TGFB2: variants seen among roughly 807,000 people sequenced by gnomAD.
TGFB2 encodes the protein transforming growth factor beta-2 proprotein.
TGFB2 carries 13 observed loss-of-function variants against 42.7 expected under a neutral mutation model. That is an observed-to-expected ratio of 0.30 (90% confidence interval 0.20 to 0.48). The LOEUF (loss-of-function observed/expected upper bound fraction) is 0.48, where lower values mean the gene tolerates loss of function less well. Ranked by LOEUF, TGFB2 falls within the 20% of genes least tolerant of loss-of-function variation. The pLI is 0.99. For synonymous variants in TGFB2, 193 were observed against 193.6 expected (o/e 1.00, Z 0.03); for missense variants, 390 against 517.5 (o/e 0.75, Z 2.39).
chr1:218,400,909 C>CCA (rs1490270338), intron 1 of TGFB2, among the ~76,000 whole-genome samples: 1 of 152,066 alleles, frequency 6.6e-6, no homozygotes, highest in East Asian at 1.9e-4. Flanking sequence ...GGCAGAGAGT[C>CCA]CTGGGCAAGT....
intron 2 of TGFB2, among the ~76,000 whole-genome samples, chr1:218,411,096 C>T (rs1056317167): frequency 3.3e-5 from 5 of 152,152 alleles, no homozygotes; most frequent in Admixed American, 3.3e-4. Flanking sequence ...ACTTGGAGCT[C>T]TCCAGTATTT....
intron 2 of TGFB2, among the ~76,000 whole-genome samples, chr1:218,412,259 C>A (rs1392222230): frequency 6.6e-6 from 1 of 152,194 alleles, no homozygotes; most frequent in Admixed American, 6.5e-5. Context: ...AGAGAAATGC[C>A]TCAGAACTCA....
Position 218,346,599 on chromosome 1 carries a change from C to CAACA in TGFB2, c.-101_-100insCAAA. Reference sequence around the variant, plus strand: ...AGTTTCGCATCAAAAACAACAACAACAAAAAACCAAACAACTCTCCTTGAT... The same window carrying CAACA: ...AGTTTCGCATCAAAAACAACAACAACAACAAAAAAACCAAACAACTCTCCTTGAT... On this transcript the variant is annotated 5_prime_UTR_variant, in exon 1 of 7. Coordinates refer to ENST00000366930, the MANE Select transcript of TGFB2 (RefSeq NM_003238.6). This position sits in a 1 kb window ranked among gnomAD's most constrained non-coding sequence, Gnocchi z 4.9. The CAACA allele has an allele frequency of 9.0e-7, 1 of 1,112,178 alleles. No individual in the cohort carries two copies. The highest frequency in any genetic ancestry group is 1.2e-6 in the Non-Finnish European group (1 of 802,318). The allele number at this position is 1,112,178 out of a possible 1,614,324, so 68.9% of individuals were successfully genotyped here. A position where few individuals can be genotyped will look rare whatever the true frequency, so the allele number is the denominator to read the frequency against.
At chr1:218,431,662 G>A (rs1266186264) in intron 2 of TGFB2, among the ~76,000 whole-genome samples, 1 of 152,214 alleles carries the variant, frequency 6.6e-6, no homozygotes, top group Admixed American at 6.5e-5. Context: ...AATATGCAAA[G>A]CATTTTGTAA....
intron 2 of TGFB2, among the ~76,000 whole-genome samples, chr1:218,421,791 T>C (rs1366898161): frequency 6.6e-6 from 1 of 152,174 alleles, no homozygotes; most frequent in Non-Finnish European, 1.5e-5. Context: ...GTATGACTGG[T>C]GTCCTTATAA....
intron 1 of TGFB2, among the ~76,000 whole-genome samples, chr1:218,358,167 G>A (rs536253800): frequency 2.6e-5 from 4 of 152,168 alleles, no homozygotes; most frequent in Non-Finnish European, 4.4e-5. Flanking sequence ...TGAAATGACC[G>A]CAAGTCCACT....
At chr1:218,360,384 G>C (rs1171408498) in intron 1 of TGFB2, among the ~76,000 whole-genome samples, 1 of 152,184 alleles carries the variant, frequency 6.6e-6, no homozygotes, top group East Asian at 1.9e-4. Flanking sequence ...TTCTAGGACT[G>C]TTTCTATTTT....
At position 218,434,323 on chromosome 1, in the gene TGFB2, C is replaced by T; in HGVS notation, c.644-15C>T. 3 of 1,612,752 alleles carry T rather than the reference C, an allele frequency of 1.9e-6. No individual in the cohort carries two copies. Among genetic ancestry groups the T allele is most frequent in the East Asian group, 4.5e-5 (2 of 44,858 alleles). On this transcript the variant is annotated splice_polypyrimidine_tract_variant and intron_variant, in intron 3 of 6. Transcript: ENST00000366930. The stretch of plus-strand genomic sequence containing the variant: ...ACACACATACAAATGACCTCCTTGA[C>T]TTAATGTTTTCCAGACAGGAACCTG...
At chr1:218,429,001 G>A (rs1326740712) in intron 2 of TGFB2, among the ~76,000 whole-genome samples, 1 of 106,756 alleles carries the variant, frequency 9.4e-6, no homozygotes, top group Non-Finnish European at 1.7e-5. Flanking sequence ...TTTTTTCTGA[G>A]ACAGAGTCTT....
intron 6 of TGFB2, among the ~76,000 whole-genome samples, chr1:218,440,540 G>A (rs892910756): frequency 1.3e-5 from 2 of 152,084 alleles, no homozygotes; most frequent in African/African-American, 2.4e-5. Flanking sequence ...GTGAGCCACC[G>A]TGCCCAGCCT....
chr1:218,358,095 A>G (rs1657097656), intron 1 of TGFB2, among the ~76,000 whole-genome samples: 1 of 152,232 alleles, frequency 6.6e-6, no homozygotes, highest in African/African-American at 2.4e-5. Flanking sequence ...CTATTGTAAG[A>G]ATCCTTATTT....
intron 2 of TGFB2, among the ~76,000 whole-genome samples, chr1:218,431,290 A>T (rs1659799500): frequency 6.6e-6 from 1 of 152,220 alleles, no homozygotes. Flanking sequence ...TTCTCCTAGT[A>T]GGATTTAAAA....
chr1:218,408,820 G>A (rs1659000521), intron 2 of TGFB2, among the ~76,000 whole-genome samples: 1 of 152,112 alleles, frequency 6.6e-6, no homozygotes, highest in Admixed American at 6.5e-5. Flanking sequence ...GACCAGTTTT[G>A]TGGAATACAA....
chr1:218,359,315 T>G (rs1228297560), intron 1 of TGFB2, among the ~76,000 whole-genome samples: 1 of 152,208 alleles, frequency 6.6e-6, no homozygotes, highest in Non-Finnish European at 1.5e-5. Flanking sequence ...ATTTAGTCAC[T>G]CATTTGTATC....
intron 1 of TGFB2, chr1:218,363,243 A>G: frequency 9.3e-7 from 1 of 1,069,988 alleles, no homozygotes; most frequent in Non-Finnish European, 1.4e-6. Context: ...ACATTCAATG[A>G]GTCCCTCTTC....
At chr1:218,384,936 G>A (rs1470554701) in intron 1 of TGFB2, among the ~76,000 whole-genome samples, 4 of 152,202 alleles carry the variant, frequency 2.6e-5, no homozygotes, top group African/African-American at 7.2e-5. Context: ...TGCAGCCTGT[G>A]CAGTTATTAT....
At chr1:218,438,692 T>C (rs1292854357) in intron 6 of TGFB2, among the ~76,000 whole-genome samples, 1 of 152,238 alleles carries the variant, frequency 6.6e-6, no homozygotes, top group Non-Finnish European at 1.5e-5. Flanking sequence ...GGTATGAGTT[T>C]CCGGCAAGAT....
intron 1 of TGFB2, among the ~76,000 whole-genome samples, chr1:218,398,744 C>T (rs111885749): frequency 2.6e-5 from 4 of 152,078 alleles, no homozygotes; most frequent in African/African-American, 7.2e-5. Flanking sequence ...CCTGCCACCA[C>T]GCCCAGCTAA....
intron 1 of TGFB2, among the ~76,000 whole-genome samples, chr1:218,379,953 T>A (rs1657902576): frequency 6.6e-6 from 1 of 152,212 alleles, no homozygotes; most frequent in Admixed American, 6.5e-5. Flanking sequence ...ACAACAATAA[T>A]AATACCGATG....
Sources: allele counts gnomAD v4.1 joint callset (sites outside exome capture counted in the v4.1 genomes callset), GRCh38; gene constraint gnomAD v4.1.1; non-coding constraint Gnocchi (gnomAD v3.1); transcripts MANE v1.5; gene names NCBI Gene and HGNC (gene_info 2026-07-23, HGNC 2026-07-21).